The following GABRB1 variants were observed in gnomAD, a reference collection of about 807,000 sequenced individuals.
The protein encoded by GABRB1 is gamma-aminobutyric acid receptor subunit beta-1.
GABRB1 carries 17 observed loss-of-function variants against 51.6 expected under a neutral mutation model. That is an observed-to-expected ratio of 0.33 (90% CI 0.23 to 0.49). GABRB1 has a LOEUF of 0.49. Ranked by LOEUF, GABRB1 falls within the 20% of genes least tolerant of loss-of-function variation. The pLI, the probability that GABRB1 is intolerant of heterozygous loss-of-function variation, is 0.99. For synonymous variants in GABRB1, 247 were observed against 218.9 expected (o/e 1.13, Z -1.14); for missense variants, 410 against 600.6 (o/e 0.68, Z 3.32).
At chr4:47,378,031 A>AC (rs1419010517) in intron 5 of GABRB1, among the ~76,000 whole-genome samples, 1 of 152,216 alleles carries the variant, frequency 6.6e-6, no homozygotes, top group Non-Finnish European at 1.5e-5. Flanking sequence ...CCAGTCCGGC[A>AC]CCGTGCGCCC....
chr4:47,194,186 T>C (rs1719553796), intron 4 of GABRB1, among the ~76,000 whole-genome samples: 3 of 152,174 alleles, frequency 2.0e-5, no homozygotes, highest in South Asian at 4.1e-4. Context: ...AGTTCAACGG[T>C]ATGGAATAGA....
intron 3 of GABRB1, chr4:47,043,006 G>A (rs1021862082): frequency 6.6e-6 from 1 of 151,910 alleles, no homozygotes; most frequent in Non-Finnish European, 1.5e-5. Context: ...CACATTAAAT[G>A]GTGGTGAAAT....
At chr4:47,021,519 G>C (rs1408210561) in intron 1 of GABRB1, among the ~76,000 whole-genome samples, 1 of 152,222 alleles carries the variant, frequency 6.6e-6, no homozygotes, top group Admixed American at 6.6e-5. Flanking sequence ...AGAAATGGCT[G>C]TGCTTTCGGA....
chr4:47,373,526 T>C (rs928904109), intron 5 of GABRB1, among the ~76,000 whole-genome samples: 2 of 152,210 alleles, frequency 1.3e-5, no homozygotes, highest in African/African-American at 2.4e-5. Context: ...CATCTTTATA[T>C]GTGAGACCCA....
At chr4:47,073,409 C>G (rs1485498996) in intron 3 of GABRB1, among the ~76,000 whole-genome samples, 1 of 152,126 alleles carries the variant, frequency 6.6e-6, no homozygotes, top group African/African-American at 2.4e-5. Flanking sequence ...TAATAAGCAT[C>G]CTTAGCCACT....
At chr4:47,108,825 C>A (rs1715095042) in intron 3 of GABRB1, among the ~76,000 whole-genome samples, 1 of 151,936 alleles carries the variant, frequency 6.6e-6, no homozygotes, top group African/African-American at 2.4e-5. Context: ...TGTCAGGACA[C>A]CAAAACAGAT....
intron 5 of GABRB1, among the ~76,000 whole-genome samples, chr4:47,352,103 T>C (rs997288551): frequency 1.1e-4 from 17 of 152,190 alleles, no homozygotes; most frequent in Admixed American, 8.5e-4. Context: ...ATTGCCATTC[T>C]AACTGGTGTG....
At chr4:47,100,580 C>T (rs933104296) in intron 3 of GABRB1, among the ~76,000 whole-genome samples, 2 of 151,928 alleles carry the variant, frequency 1.3e-5, no homozygotes, top group East Asian at 1.9e-4. Flanking sequence ...AGAATCAGTC[C>T]GTTCTCTCCT....
chr4:47,116,634 G>A (rs969567031), intron 3 of GABRB1, among the ~76,000 whole-genome samples: 2 of 152,000 alleles, frequency 1.3e-5, no homozygotes, highest in African/African-American at 4.8e-5. Flanking sequence ...TTTTTTCCTT[G>A]GGATTTCTGA....
At chr4:47,376,583 C>G (rs1424990965) in intron 5 of GABRB1, among the ~76,000 whole-genome samples, 1 of 152,148 alleles carries the variant, frequency 6.6e-6, no homozygotes, top group East Asian at 1.9e-4. Context: ...GGAGGCGGAG[C>G]TTGCAGTGAG....
intron 3 of GABRB1, among the ~76,000 whole-genome samples, chr4:47,061,362 G>A (rs1340175255): frequency 1.3e-5 from 2 of 152,174 alleles, no homozygotes; most frequent in African/African-American, 4.8e-5. Context: ...GCAAAGTGAA[G>A]ATTTGATTAA....
chr4:47,224,396 A>C (rs888811130), intron 4 of GABRB1, among the ~76,000 whole-genome samples: 1 of 152,102 alleles, frequency 6.6e-6, no homozygotes, highest in African/African-American at 2.4e-5. Context: ...GCAATAGAGG[A>C]GAGAGATGAG....
chr4:47,229,845 G>A (rs998274921), intron 4 of GABRB1, among the ~76,000 whole-genome samples: 1 of 152,032 alleles, frequency 6.6e-6, no homozygotes, highest in Non-Finnish European at 1.5e-5. Flanking sequence ...ACAAGAAATG[G>A]ATTTTTTCAC....
chr4:47,323,988 G>A (rs1725169162), intron 5 of GABRB1, among the ~76,000 whole-genome samples: 1 of 152,042 alleles, frequency 6.6e-6, no homozygotes, highest in Admixed American at 6.6e-5. Context: ...ATCATGTGAG[G>A]GTTTGATAGC....
At chr4:47,300,739 C>T (rs1335958669) in intron 4 of GABRB1, among the ~76,000 whole-genome samples, 3 of 152,112 alleles carry the variant, frequency 2.0e-5, no homozygotes, top group Non-Finnish European at 4.4e-5. Flanking sequence ...TCCAGATCAA[C>T]ACTTTTGCCA....
At chr4:47,113,730 T>G (rs1715340279) in intron 3 of GABRB1, among the ~76,000 whole-genome samples, 2 of 152,244 alleles carry the variant, frequency 1.3e-5, no homozygotes, top group Non-Finnish European at 2.9e-5. Context: ...ATAAAATACC[T>G]TATCTAATTA....
chr4:47,021,290 A>G (rs1724921588), intron 1 of GABRB1, among the ~76,000 whole-genome samples: 2 of 152,160 alleles, frequency 1.3e-5, no homozygotes, highest in South Asian at 4.1e-4. Context: ...GTTTTGTGCC[A>G]GACAGAATTC....
chr4:47,346,456 T>C (rs1159210517), intron 5 of GABRB1, among the ~76,000 whole-genome samples: 1 of 147,914 alleles, frequency 6.8e-6, no homozygotes, highest in Non-Finnish European at 1.5e-5. Context: ...AACAGGCTGA[T>C]TGCAGAAATT....
At chr4:47,354,800 A>G (rs542752308) in intron 5 of GABRB1, among the ~76,000 whole-genome samples, 3 of 151,722 alleles carry the variant, frequency 2.0e-5, no homozygotes, top group Non-Finnish European at 4.4e-5. Flanking sequence ...CCTAATTTCT[A>G]GATGTATAGT....
Sources: allele counts gnomAD v4.1 joint callset (sites outside exome capture counted in the v4.1 genomes callset), GRCh38; gene constraint gnomAD v4.1.1; transcripts MANE v1.5; gene names NCBI Gene and HGNC (gene_info 2026-07-23, HGNC 2026-07-21).